KRTAP3-2: variants seen among roughly 807,000 people sequenced by gnomAD.
The protein encoded by KRTAP3-2 is keratin associated protein 3-2.
In KRTAP3-2, 2 loss-of-function variants were observed where a neutral mutation model predicts 5.4. That is an observed-to-expected ratio of 0.37 (90% CI 0.15 to 1.17). The LOEUF (loss-of-function observed/expected upper bound fraction) is 1.17, where lower values mean the gene tolerates loss of function less well. Ranked by LOEUF, KRTAP3-2 falls within the 50% of genes most tolerant of loss-of-function variation. The probability of loss-of-function intolerance (pLI) is 0.37; values close to 1 mark genes in which losing one functional copy is unlikely to be tolerated. For synonymous variants in KRTAP3-2, 49 were observed against 48.0 expected, an observed-to-expected ratio of 1.02 and a Z score of -0.08; for missense variants, 113 against 122.0, an observed-to-expected ratio of 0.93 and a Z score of 0.35.
In KRTAP3-2 at chr17:40,999,446, T is replaced by C; in HGVS notation, c.*111A>G. 2 of 1,448,446 alleles carry C rather than the reference T, an allele frequency of 1.4e-6. No individual in the cohort carries two copies. Among genetic ancestry groups the C allele is most frequent in the Non-Finnish European group, 1.9e-6 (2 of 1,072,086 alleles). 89.7% of individuals were successfully genotyped at this position (1,448,446 alleles called of 1,614,324 possible). Reference sequence around the variant, plus strand: ...TAAAACCAAAGGTAAGTTCTTCATATCTGGGTCATCTGGTCTACCTTAACA... The same window carrying C: ...TAAAACCAAAGGTAAGTTCTTCATACCTGGGTCATCTGGTCTACCTTAACA... On this transcript the variant is annotated 3_prime_UTR_variant, in exon 1 of 1. Transcript: ENST00000391587.
Position 40,999,447 on chromosome 17 carries a change from C to A in KRTAP3-2, c.*110G>T, listed in dbSNP as rs2011751850. On this transcript the variant is annotated 3_prime_UTR_variant, in exon 1 of 1. Coordinates refer to ENST00000391587, the MANE Select transcript of KRTAP3-2 (RefSeq NM_031959.3). ...AAAACCAAAGGTAAGTTCTTCATATCTGGGTCATCTGGTCTACCTTAACAT... is the reference window on the plus strand; with the variant it reads ...AAAACCAAAGGTAAGTTCTTCATATATGGGTCATCTGGTCTACCTTAACAT... The A allele has an allele frequency of 7.6e-6, 11 of 1,450,656 alleles. No individual in the cohort carries two copies. In the South Asian group the frequency reaches 1.4e-4, roughly 18 times the overall value. 89.9% of individuals were successfully genotyped at this position (1,450,656 alleles called of 1,614,324 possible).
chr17:40,999,704 G>T lies in KRTAP3-2; in HGVS notation c.150C>A (p.Asn50Lys), dbSNP rs772943118. Residue 50 changes from asparagine to lysine, a missense_variant, in exon 1 of 1, where the codon AAC becomes AAA. Transcript: ENST00000391587. ...VWLLEPICCDNCPPPCHIPQP... is the reference protein window; with the variant it reads ...VWLLEPICCDKCPPPCHIPQP... ...GAGGAATGTGGCAGGGTGGGGGACA[G>T]TTGTCACAGCAGATGGGCTCCAGTA... The T allele has an allele frequency of 1.9e-6, 3 of 1,614,092 alleles. No individual in the cohort carries two copies. Among genetic ancestry groups the T allele is most frequent in the Admixed American group, 1.7e-5 (1 of 60,012 alleles).
At position 40,999,360 on chromosome 17, in the gene KRTAP3-2, A is replaced by G; in HGVS notation, c.*197T>C. On this transcript the variant is annotated 3_prime_UTR_variant, in exon 1 of 1. Coordinates refer to ENST00000391587, the MANE Select transcript of KRTAP3-2 (RefSeq NM_031959.3). ...TAATAAAACTCATTCACCTGCCCAC[A>G]GGAACCAAATGGTTTTTCAGCTAAA... 2.5e-6 allele frequency: 2 copies of G among 805,484 alleles called. No individual in the cohort carries two copies. The highest frequency in any genetic ancestry group is 2.7e-5 in the East Asian group (1 of 36,942). The allele number at this position is 805,484 out of a possible 1,614,324, so 49.9% of individuals were successfully genotyped here. A position where few individuals can be genotyped will look rare whatever the true frequency, so the allele number is the denominator to read the frequency against.
Position 40,999,589 on chromosome 17 carries a change from A to G in KRTAP3-2, c.265T>C (p.Cys89Arg), listed in dbSNP as rs758598502. 2.5e-6 allele frequency: 4 copies of G among 1,613,958 alleles called. No homozygotes were observed. The highest frequency in any genetic ancestry group is 3.4e-6 in the Non-Finnish European group (4 of 1,179,996). Residue 89 changes from cysteine to arginine, a missense_variant, in exon 1 of 1, where the codon TGC becomes CGC. Cys to Arg is a radical substitution (Grantham distance 180). Coordinates refer to ENST00000391587, the MANE Select transcript of KRTAP3-2 (RefSeq NM_031959.3). ...CCTCTTGGGAGGCAGGGCTCACAGC[A>G]GGGCTGAGTGAAGGTGGTGAGGTTG... is the stretch of plus-strand genomic sequence containing the variant. ...TLNLTTFTQP[C>R]CEPCLPRGC
At position 40,999,490 on chromosome 17, in the gene KRTAP3-2, C is replaced by T; in HGVS notation, c.*67G>A. 1 of 1,575,326 alleles carries T rather than the reference C, an allele frequency of 6.3e-7. No homozygotes were observed. The highest frequency in any genetic ancestry group is 8.6e-7 in the Non-Finnish European group (1 of 1,156,418). On this transcript the variant is annotated 3_prime_UTR_variant, in exon 1 of 1. Coordinates refer to ENST00000391587, the MANE Select transcript of KRTAP3-2 (RefSeq NM_031959.3). ...CTTAACATCTGGCAAACTACTGAGG[C>T]AAGTGAATACTGAAGGGACAGCTTC...
chr17:40,999,349 C>T lies in KRTAP3-2; in HGVS notation c.*208G>A. On this transcript the variant is annotated 3_prime_UTR_variant, in exon 1 of 1. Coordinates refer to ENST00000391587, the MANE Select transcript of KRTAP3-2 (RefSeq NM_031959.3). ...CAGTATTTTGCTAATAAAACTCATT[C>T]ACCTGCCCACAGGAACCAAATGGTT... The T allele has an allele frequency of 1.4e-6, 1 of 707,662 alleles. No individual in the cohort carries two copies. The allele number at this position is 707,662 out of a possible 1,614,324, so 43.8% of individuals were successfully genotyped here.
Position 40,999,437 on chromosome 17 carries a change from T to G in KRTAP3-2, c.*120A>C. On this transcript the variant is annotated 3_prime_UTR_variant, in exon 1 of 1. Coordinates refer to ENST00000391587, the MANE Select transcript of KRTAP3-2 (RefSeq NM_031959.3). ...TTCCCCCATTAAAACCAAAGGTAAG[T>G]TCTTCATATCTGGGTCATCTGGTCT... 1.4e-6 allele frequency: 2 copies of G among 1,400,864 alleles called. No homozygotes were observed. Among genetic ancestry groups the G allele is most frequent in the South Asian group, 1.5e-5 (1 of 68,514 alleles). 86.8% of individuals were successfully genotyped at this position (1,400,864 alleles called of 1,614,324 possible). A position where few individuals can be genotyped will look rare whatever the true frequency, so the allele number is the denominator to read the frequency against.
chr17:40,999,902 G>A lies in KRTAP3-2; in HGVS notation c.-49C>T. Reference sequence around the variant, plus strand: ...TCAGTTTCTTAGATGAGGATTCTGAGGTACAAATGTCTCCTCTTTTGTTAG... The same window carrying A: ...TCAGTTTCTTAGATGAGGATTCTGAAGTACAAATGTCTCCTCTTTTGTTAG... On this transcript the variant is annotated 5_prime_UTR_variant, in exon 1 of 1. Coordinates refer to ENST00000391587, the MANE Select transcript of KRTAP3-2 (RefSeq NM_031959.3). 6.2e-7 allele frequency: 1 copy of A among 1,601,542 alleles called. No individual in the cohort carries two copies.
rs147827120 is a variant in KRTAP3-2 at position 40,999,671 on chromosome 17, G to A, written c.183C>T (p.Cys61=). ...AGTTGAGCAGGAAGCAGGTGGGCAC[G>A]CAGGGCTGAGGAATGTGGCAGGGTG... The part of the protein sequence containing the change: ...CPPPCHIPQP[C]VPTCFLLNSC... The change falls in exon 1 of 1, where the codon TGC becomes TGT. Residue 61 remains cysteine (C), a synonymous_variant. Transcript: ENST00000391587. 1.4e-3 allele frequency: 2,248 copies of A among 1,614,000 alleles called. 30 individuals are homozygous for A. In the African/African-American group the frequency reaches 0.022, roughly 16 times the overall value.
In KRTAP3-2 at chr17:40,999,873, G is replaced by A; in HGVS notation, c.-20C>T. On this transcript the variant is annotated 5_prime_UTR_variant, in exon 1 of 1. Transcript: ENST00000391587. ...ATCCATGGCAATGGGCGTCTGGTTA[G>A]CTTTCAGTTTCTTAGATGAGGATTC... The A allele has an allele frequency of 6.2e-7, 1 of 1,613,028 alleles. No individual in the cohort carries two copies. The highest frequency in any genetic ancestry group is 8.5e-7 in the Non-Finnish European group (1 of 1,179,216).
In KRTAP3-2 at chr17:40,999,322, A is replaced by G; in HGVS notation, c.*235T>C. 1.7e-6 allele frequency: 1 copy of G among 590,300 alleles called. No individual in the cohort carries two copies. The highest frequency in any genetic ancestry group is 2.9e-6 in the Non-Finnish European group (1 of 346,344). 36.6% of individuals were successfully genotyped at this position (590,300 alleles called of 1,614,324 possible). ...TGTAATCTGAGGTCTTAAAGATTGA[A>G]ACAGTATTTTGCTAATAAAACTCAT... On this transcript the variant is annotated 3_prime_UTR_variant, in exon 1 of 1. Transcript: ENST00000391587.
In KRTAP3-2 at chr17:40,999,449, G is replaced by C. The variant is rs1443852726; in HGVS notation, c.*108C>G. The C allele has an allele frequency of 6.9e-7, 1 of 1,452,480 alleles. No homozygotes were observed. Among genetic ancestry groups the C allele is most frequent in the Non-Finnish European group, 9.3e-7 (1 of 1,074,844 alleles). The allele number at this position is 1,452,480 out of a possible 1,614,324, so 90.0% of individuals were successfully genotyped here. ...AACCAAAGGTAAGTTCTTCATATCT[G>C]GGTCATCTGGTCTACCTTAACATCT... On this transcript the variant is annotated 3_prime_UTR_variant, in exon 1 of 1. Transcript: ENST00000391587.
chr17:40,999,214 T>C lies in KRTAP3-2; in HGVS notation c.*343A>G. ...CATCTTGCCAGAGAAATATAGTTTATTGGAAAACCCACCAAGAAATTTTCT... is the reference window on the plus strand; with the variant it reads ...CATCTTGCCAGAGAAATATAGTTTACTGGAAAACCCACCAAGAAATTTTCT... On this transcript the variant is annotated 3_prime_UTR_variant, in exon 1 of 1. Transcript: ENST00000391587. 3.7e-6 allele frequency: 1 copy of C among 272,026 alleles called. No homozygotes were observed. The allele number at this position is 272,026 out of a possible 1,614,324, so 16.9% of individuals were successfully genotyped here.
Position 40,999,308 on chromosome 17 carries a change from G to A in KRTAP3-2, c.*249C>T, listed in dbSNP as rs1223563961. ...TATGATCAAGAACATGTAATCTGAGGTCTTAAAGATTGAAACAGTATTTTG... is the reference window on the plus strand; with the variant it reads ...TATGATCAAGAACATGTAATCTGAGATCTTAAAGATTGAAACAGTATTTTG... On this transcript the variant is annotated 3_prime_UTR_variant, in exon 1 of 1. Transcript: ENST00000391587. The A allele has an allele frequency of 9.1e-6, 5 of 548,362 alleles. No individual in the cohort carries two copies. The African/African-American group carries it at 9.4e-5, about 10-fold the overall frequency. The allele number at this position is 548,362 out of a possible 1,614,324, so 34.0% of individuals were successfully genotyped here. A position where few individuals can be genotyped will look rare whatever the true frequency, so the allele number is the denominator to read the frequency against.
In KRTAP3-2 at chr17:40,999,265, A is replaced by G; in HGVS notation, c.*292T>C. The G allele has an allele frequency of 2.5e-6, 1 of 398,556 alleles. No individual in the cohort carries two copies. The highest frequency in any genetic ancestry group is 7.6e-5 in the South Asian group (1 of 13,196). 24.7% of individuals were successfully genotyped at this position (398,556 alleles called of 1,614,324 possible). On this transcript the variant is annotated 3_prime_UTR_variant, in exon 1 of 1. Coordinates refer to ENST00000391587, the MANE Select transcript of KRTAP3-2 (RefSeq NM_031959.3). ...TCTATGAAAATACCCAGTACAAGAAACAAGAGCCAGGAAGCAATATGATCA... is the reference window on the plus strand; with the variant it reads ...TCTATGAAAATACCCAGTACAAGAAGCAAGAGCCAGGAAGCAATATGATCA...
At position 40,999,203 on chromosome 17, in the gene KRTAP3-2, A is replaced by C. The variant is rs919474867; in HGVS notation, c.*354T>G. On this transcript the variant is annotated 3_prime_UTR_variant, in exon 1 of 1. Transcript: ENST00000391587. ...AACAAATGACACATCTTGCCAGAGA[A>C]ATATAGTTTATTGGAAAACCCACCA... The C allele has an allele frequency of 1.6e-5, 4 of 248,672 alleles. No individual in the cohort carries two copies. The highest frequency in any genetic ancestry group is 3.1e-5 in the Non-Finnish European group (4 of 130,698). 15.4% of individuals were successfully genotyped at this position (248,672 alleles called of 1,614,324 possible). A position where few individuals can be genotyped will look rare whatever the true frequency, so the allele number is the denominator to read the frequency against.
At position 40,999,789 on chromosome 17, in the gene KRTAP3-2, G is replaced by A. The variant is rs755400080; in HGVS notation, c.65C>T (p.Ser22Phe). The A allele has an allele frequency of 2.5e-6, 4 of 1,614,128 alleles. No individual in the cohort carries two copies. Among genetic ancestry groups the A allele is most frequent in the African/African-American group, 1.3e-5 (1 of 75,032 alleles). Residue 22 changes from serine (S) to phenylalanine (F), a missense_variant, in exon 1 of 1, where the codon TCC becomes TTC. Coordinates refer to ENST00000391587, the MANE Select transcript of KRTAP3-2 (RefSeq NM_031959.3). ...GACTCCACAGCGGCAGGATTTGTCG[G>A]AGGAGCAGATGGTGGTGGCAGGCCC... ...PTGPATTICS[S>F]DKSCRCGVCL... is the part of the protein sequence containing the mutation.
rs2011769502 is a variant in KRTAP3-2 at position 40,999,795 on chromosome 17, C to A, written c.59G>T (p.Cys20Phe). ...ACAGCGGCAGGATTTGTCGGAGGAG[C>A]AGATGGTGGTGGCAGGCCCAGTGGG... is the stretch of plus-strand genomic sequence containing the variant. ...SVPTGPATTI[C>F]SSDKSCRCGV... Residue 20 changes from cysteine to phenylalanine, a missense_variant, in exon 1 of 1, where the codon TGC becomes TTC. By Grantham distance (205) the Cys-to-Phe change is radical. Transcript: ENST00000391587. The A allele has an allele frequency of 6.2e-7, 1 of 1,614,144 alleles. No homozygotes were observed. Among genetic ancestry groups the A allele is most frequent in the Admixed American group, 1.7e-5 (1 of 60,028 alleles).
Position 40,999,301 on chromosome 17 carries a change from A to T in KRTAP3-2, c.*256T>A. ...GAAGCAATATGATCAAGAACATGTAATCTGAGGTCTTAAAGATTGAAACAG... is the reference window on the plus strand; with the variant it reads ...GAAGCAATATGATCAAGAACATGTATTCTGAGGTCTTAAAGATTGAAACAG... On this transcript the variant is annotated 3_prime_UTR_variant, in exon 1 of 1. Transcript: ENST00000391587. 1 of 531,910 alleles carries T rather than the reference A, an allele frequency of 1.9e-6. No homozygotes were observed. Among genetic ancestry groups the T allele is most frequent in the South Asian group, 3.3e-5 (1 of 29,958 alleles). 32.9% of individuals were successfully genotyped at this position (531,910 alleles called of 1,614,324 possible). A position where few individuals can be genotyped will look rare whatever the true frequency, so the allele number is the denominator to read the frequency against.
Sources: gnomAD v4.1 joint callset for allele counts on GRCh38, gnomAD v4.1.1 for gene constraint, MANE v1.5 for transcripts, NCBI Gene and HGNC (gene_info 2026-07-23, HGNC 2026-07-21) for gene names.